The following UBE2QL1 variants were observed in gnomAD, a reference collection of about 807,000 sequenced individuals.
The protein encoded by UBE2QL1 is ubiquitin-conjugating enzyme E2Q-like protein 1.
In UBE2QL1, 5 loss-of-function variants were observed where a neutral mutation model predicts 12.6. The observed-to-expected ratio is 0.40, with a 90% CI of 0.21 to 0.83. The LOEUF (loss-of-function observed/expected upper bound fraction) is 0.83, where lower values mean the gene tolerates loss of function less well. UBE2QL1 is among the 40% of genes least tolerant of loss of function. The pLI is 0.37. For synonymous variants in UBE2QL1, 96 were observed against 94.5 expected (o/e 1.02, Z -0.10); for missense variants, 99 against 222.6 (o/e 0.44, Z 3.53).
At chr5:6,459,027 C>G (rs1403155310) in intron 1 of UBE2QL1, among the ~76,000 whole-genome samples, 1 of 152,048 alleles carries the variant, frequency 6.6e-6, no homozygotes, top group Non-Finnish European at 1.5e-5. Flanking sequence ...GGGGCCTTGT[C>G]CACAGTAGCG....
At chr5:6,462,800 G>T (rs1336953882) in intron 1 of UBE2QL1, among the ~76,000 whole-genome samples, 1 of 152,204 alleles carries the variant, frequency 6.6e-6, no homozygotes, top group Non-Finnish European at 1.5e-5. Flanking sequence ...TGCCCAGGGA[G>T]ATTGAGGGAA....
intron 1 of UBE2QL1, 26 bp downstream of exon 1, chr5:6,449,273 G>T: frequency 2.2e-6 from 3 of 1,356,678 alleles, no homozygotes; most frequent in Non-Finnish European, 2.8e-6. Flanking sequence ...CGGGGCTGGG[G>T]GCGCGGGGCC....
chr5:6,483,128 A>C (rs548411219), intron 1 of UBE2QL1, among the ~76,000 whole-genome samples: 9 of 152,174 alleles, frequency 5.9e-5, no homozygotes, highest in Non-Finnish European at 1.3e-4. Flanking sequence ...GATAGGCTCA[A>C]ACACGCCTTT....
intron 1 of UBE2QL1, among the ~76,000 whole-genome samples, chr5:6,471,556 G>A (rs1329012886): frequency 2.6e-5 from 4 of 152,230 alleles, no homozygotes; most frequent in Non-Finnish European, 4.4e-5. Flanking sequence ...CTCATAGGGA[G>A]CTAGGGAGAG....
chr5:6,449,085 C>G lies in UBE2QL1; in HGVS notation c.192C>G (p.Phe64Leu), dbSNP rs1383417766. 6.5e-7 allele frequency: 1 copy of G among 1,548,262 alleles called. No homozygotes were observed. Among genetic ancestry groups the G allele is most frequent in the Non-Finnish European group, 8.7e-7 (1 of 1,145,480 alleles). The change falls in exon 1 of 2, where the codon TTC becomes TTG. Residue 64 changes from phenylalanine (F) to leucine (L), a missense_variant. Transcript: ENST00000399816. ...LNLTFPDNFP[F>L]SPPFMRVLSP... ...TCACCTTCCCCGACAACTTCCCCTT[C>G]TCGCCGCCCTTCATGCGGGTGCTCA...
At chr5:6,491,169 AG>A in intron 1 of UBE2QL1, 48 bp from the exon 2 acceptor site, 1 of 1,483,264 alleles carries the variant, frequency 6.7e-7, no homozygotes. Context: ...GGTAGGAAAC[AG>A]AATTCCCAGT....
chr5:6,465,614 CT>C (rs1371579907), intron 1 of UBE2QL1, among the ~76,000 whole-genome samples: 2 of 152,122 alleles, frequency 1.3e-5, no homozygotes, highest in East Asian at 1.9e-4. Context: ...AACAGGGACT[CT>C]TGGGGGGGCT....
At chr5:6,466,547 C>T (rs1012157535) in intron 1 of UBE2QL1, among the ~76,000 whole-genome samples, 6 of 152,252 alleles carry the variant, frequency 3.9e-5, no homozygotes, top group Non-Finnish European at 7.3e-5. Context: ...CCCAGCCCTG[C>T]GCCTAGTAAG....
At chr5:6,490,571 G>A (rs868474583) in intron 1 of UBE2QL1, among the ~76,000 whole-genome samples, 1 of 152,144 alleles carries the variant, frequency 6.6e-6, no homozygotes, top group Non-Finnish European at 1.5e-5. Context: ...CTTGGACCTC[G>A]AGGATGGGTC....
At chr5:6,487,416 G>A (rs1384875818) in intron 1 of UBE2QL1, among the ~76,000 whole-genome samples, 1 of 152,226 alleles carries the variant, frequency 6.6e-6, no homozygotes, top group Admixed American at 6.5e-5. Context: ...GCAAAATCCT[G>A]TAGTTGTTCA....
intron 1 of UBE2QL1, among the ~76,000 whole-genome samples, chr5:6,461,662 T>C (rs207465486): frequency 6.6e-6 from 1 of 152,012 alleles, no homozygotes; most frequent in Non-Finnish European, 1.5e-5. Flanking sequence ...ACTACTGATC[T>C]AGGTTTGTAA....
Position 6,483,876 on chromosome 5 carries a change from T to C in UBE2QL1, c.355-7342T>C, listed in dbSNP as rs1201730848. On this transcript the variant is annotated intron_variant, in intron 1 of 1. Coordinates refer to ENST00000399816, the MANE Select transcript of UBE2QL1 (RefSeq NM_001145161.3). ...GCACTGTCCTCTATGCCCTCAGATC[T>C]GGTGGGATGTTCTAGTCATCTACTT... Among the ~76,000 whole-genome samples the C allele has an allele frequency of 2.0e-5, 3 of 152,102 alleles. No homozygotes were observed. In the East Asian group the frequency reaches 5.8e-4, roughly 29 times the overall value.
chr5:6,488,876 A>G (rs1411522665), intron 1 of UBE2QL1, among the ~76,000 whole-genome samples: 1 of 152,216 alleles, frequency 6.6e-6, no homozygotes, highest in Non-Finnish European at 1.5e-5. Context: ...CATATGTTTA[A>G]TAAGATAACT....
At chr5:6,463,598 G>GTTGTTA (rs1553988055) in intron 1 of UBE2QL1, among the ~76,000 whole-genome samples, 3,261 of 137,256 alleles carry the variant, frequency 0.024, 82 homozygotes, top group African/African-American at 0.06. Context: ...TATTTGTGCT[G>GTTGTTA]TTATTATTAT....
intron 1 of UBE2QL1, among the ~76,000 whole-genome samples, chr5:6,455,239 G>C (rs1579286256): frequency 6.6e-6 from 1 of 152,272 alleles, no homozygotes; most frequent in South Asian, 2.1e-4. Context: ...CTGAATGAAG[G>C]CCTGACACCC....
intron 1 of UBE2QL1, among the ~76,000 whole-genome samples, chr5:6,454,777 C>T (rs1226932553): frequency 1.3e-5 from 2 of 152,082 alleles, no homozygotes; most frequent in Non-Finnish European, 1.5e-5. Flanking sequence ...TCCAGGGAGA[C>T]GTGGATTTTT....
intron 1 of UBE2QL1, among the ~76,000 whole-genome samples, chr5:6,467,394 T>A (rs576977574): frequency 6.6e-6 from 1 of 152,270 alleles, no homozygotes; most frequent in Non-Finnish European, 1.5e-5. Flanking sequence ...CCGAGGCTGC[T>A]GCTTGGCTTG....
intron 1 of UBE2QL1, among the ~76,000 whole-genome samples, chr5:6,463,919 G>C (rs886202495): frequency 1.3e-4 from 20 of 151,840 alleles, no homozygotes; most frequent in Non-Finnish European, 2.2e-4. Context: ...GAGCCACCGC[G>C]CCCAGCCTGT....
chr5:6,459,471 C>T (rs1739604835), intron 1 of UBE2QL1, among the ~76,000 whole-genome samples: 1 of 152,176 alleles, frequency 6.6e-6, no homozygotes, highest in Admixed American at 6.5e-5. Flanking sequence ...CCTGCTGCCC[C>T]AAACCCCTCG....
Sources: gnomAD v4.1 joint callset for allele counts (sites outside exome capture counted in the v4.1 genomes callset) on GRCh38, gnomAD v4.1.1 for gene constraint, MANE v1.5 for transcripts, NCBI Gene and HGNC (gene_info 2026-07-23, HGNC 2026-07-21) for gene names.